SCN10A: variants seen among roughly 807,000 people sequenced by gnomAD.
SCN10A encodes sodium channel protein type 10 subunit alpha.
Under a neutral mutation model 170.7 loss-of-function variants are expected in SCN10A, and 162 were observed. That is an observed-to-expected ratio of 0.95 (90% CI 0.84 to 1.08). SCN10A has a LOEUF of 1.08. Ranked by LOEUF, SCN10A falls within the 50% of genes least tolerant of loss-of-function variation. The pLI is 0.00. For synonymous variants in SCN10A, 985 were observed against 904.6 expected (o/e 1.09, Z -1.59); for missense variants, 2,527 against 2,436.9 (o/e 1.04, Z -0.78).
intron 21 of SCN10A, among the ~76,000 whole-genome samples, chr3:38,715,469 G>A (rs1195609708): frequency 1.3e-5 from 2 of 152,172 alleles, no homozygotes. Context: ...ATACTCTGTA[G>A]CCTGTGTCAT....
At chr3:38,721,447 T>C (rs2063388885) in intron 20 of SCN10A, among the ~76,000 whole-genome samples, 1 of 152,210 alleles carries the variant, frequency 6.6e-6, no homozygotes, top group African/African-American at 2.4e-5. Context: ...TTCCTTCCTG[T>C]GTCTATGTCT....
At chr3:38,728,437 A>G in intron 16 of SCN10A, 105 bp downstream of exon 16, 1 of 1,259,382 alleles carries the variant, frequency 7.9e-7, no homozygotes, top group Non-Finnish European at 1.1e-6. Context: ...TCAACCAGAG[A>G]AGTACAATCT....
intron 21 of SCN10A, among the ~76,000 whole-genome samples, chr3:38,717,797 C>A (rs2063348116): frequency 6.6e-6 from 1 of 152,232 alleles, no homozygotes; most frequent in Non-Finnish European, 1.5e-5. Flanking sequence ...ACCCTGCTTG[C>A]AGAAACCCTC....
intron 11 of SCN10A, among the ~76,000 whole-genome samples, chr3:38,755,184 G>C (rs995499987): frequency 1.3e-5 from 2 of 151,762 alleles, no homozygotes; most frequent in Non-Finnish European, 2.9e-5. Context: ...TGAATTGCAG[G>C]ACCTTAGGAA....
At chr3:38,721,043 C>T (rs565151632) in intron 20 of SCN10A, among the ~76,000 whole-genome samples, 12 of 152,238 alleles carry the variant, frequency 7.9e-5, no homozygotes, top group Admixed American at 2.0e-4. Context: ...GTCCCTGCCC[C>T]GAAACTCTCT....
intron 7 of SCN10A, among the ~76,000 whole-genome samples, 169 bp downstream of exon 7, chr3:38,761,023 G>C (rs756101883): frequency 1.3e-5 from 2 of 152,174 alleles, no homozygotes; most frequent in Non-Finnish European, 2.9e-5. Flanking sequence ...CTGAGCAACA[G>C]GAAATAGAAT....
chr3:38,796,807 A>G (rs2064343909), intron 1 of SCN10A, among the ~76,000 whole-genome samples: 1 of 152,082 alleles, frequency 6.6e-6, no homozygotes, highest in African/African-American at 2.4e-5. Context: ...CACTTTCTCT[A>G]TAAACATCTG....
At chr3:38,712,787 C>T (rs1213340081) in intron 22 of SCN10A, among the ~76,000 whole-genome samples, 1 of 152,118 alleles carries the variant, frequency 6.6e-6, no homozygotes, top group Admixed American at 6.5e-5. Context: ...TCCTTAAATA[C>T]CATACATAAA....
rs760978530 is a variant in SCN10A, at chr3:38,701,932, C to T, written c.4564G>A (p.Glu1522Lys). 9 of 1,614,014 alleles carry T rather than the reference C, an allele frequency of 5.6e-6. No individual in the cohort carries two copies. Among genetic ancestry groups the T allele is most frequent in the East Asian group, 2.2e-5 (1 of 44,892 alleles). ...NQFFVAVFTG[E>K]CVMKMFALRQ... The stretch of plus-strand genomic sequence containing the variant: ...AAAGCGAACATCTTCATGACACATT[C>T]GCCTGTGAAGACGGCCACAAAGAAC... Residue 1522 changes from glutamate (E) to lysine (K), a missense_variant, in exon 27 of 28, where the codon GAA becomes AAA. Glu to Lys is a moderately conservative substitution (Grantham distance 56). Coordinates refer to ENST00000449082, the MANE Select transcript of SCN10A (RefSeq NM_006514.4).
Position 38,755,972 on chromosome 3 carries a change from A to G in SCN10A, c.1291-14T>C. 6.2e-7 allele frequency: 1 copy of G among 1,614,080 alleles called. No homozygotes were observed. Among genetic ancestry groups the G allele is most frequent in the Non-Finnish European group, 8.5e-7 (1 of 1,179,920 alleles). ...TGCTGCTAGCACCTGCGAAGAGAGA[A>G]CAGCAGGTGTAGCCAATAGTATTTG... On this transcript the variant is annotated splice_polypyrimidine_tract_variant and intron_variant, in intron 10 of 27. Transcript: ENST00000449082.
chr3:38,708,311 C>T (rs903505680), intron 25 of SCN10A, among the ~76,000 whole-genome samples: 6 of 152,072 alleles, frequency 3.9e-5, no homozygotes, highest in South Asian at 2.1e-4. Context: ...CTCAGTGACC[C>T]CAGCCTGGTC....
At chr3:38,735,919 G>C (rs150112735) in intron 15 of SCN10A, among the ~76,000 whole-genome samples, 2 of 152,146 alleles carry the variant, frequency 1.3e-5, no homozygotes, top group Admixed American at 6.5e-5. Flanking sequence ...GGGATAAAAC[G>C]GTAGACAAGA....
chr3:38,724,249 C>T (rs2063429000), intron 18 of SCN10A, among the ~76,000 whole-genome samples: 1 of 152,196 alleles, frequency 6.6e-6, no homozygotes, highest in Non-Finnish European at 1.5e-5. Context: ...CTAGGGCACA[C>T]AGCCAGTAGC....
chr3:38,699,070 C>T (rs921199794), intron 27 of SCN10A, among the ~76,000 whole-genome samples: 2 of 152,126 alleles, frequency 1.3e-5, no homozygotes, highest in African/African-American at 4.8e-5. Flanking sequence ...GTTTCTGGCA[C>T]CCGGTCCTGT....
intron 26 of SCN10A, among the ~76,000 whole-genome samples, chr3:38,703,489 A>G (rs930346346): frequency 2.6e-5 from 4 of 152,226 alleles, no homozygotes; most frequent in African/African-American, 9.6e-5. Flanking sequence ...CTCAGCCCAC[A>G]TCAACAGAGC....
At chr3:38,700,138 C>T (rs1477382959) in intron 27 of SCN10A, among the ~76,000 whole-genome samples, 2 of 152,048 alleles carry the variant, frequency 1.3e-5, no homozygotes, top group East Asian at 1.9e-4. Context: ...AACAACTAAC[C>T]AACCAACCAA....
intron 15 of SCN10A, among the ~76,000 whole-genome samples, chr3:38,736,004 T>C (rs1361349444): frequency 6.6e-6 from 1 of 152,166 alleles, no homozygotes; most frequent in Non-Finnish European, 1.5e-5. Flanking sequence ...AATCCAACTT[T>C]AGATAGTGTG....
rs189741283 is a variant in SCN10A, at chr3:38,730,410, C to A, written c.2281-1509G>T. ...TTAAATGCAAATACCTCTGGAGGAACCTGCCTTTATCTCAGGTTTCAAACT... is the reference window on the plus strand; with the variant it reads ...TTAAATGCAAATACCTCTGGAGGAAACTGCCTTTATCTCAGGTTTCAAACT... On this transcript the variant is annotated intron_variant, in intron 15 of 27. Transcript: ENST00000449082. 1.1e-4 allele frequency among the ~76,000 whole-genome samples: 16 copies of A among 152,272 alleles called. No homozygotes were observed. In the South Asian group the frequency reaches 1.5e-3, roughly 14 times the overall value.
intron 3 of SCN10A, 130 bp downstream of exon 3, chr3:38,791,920 C>T: frequency 2.4e-6 from 3 of 1,250,108 alleles, no homozygotes; most frequent in Admixed American, 2.3e-5. Context: ...TTTTTTCAAT[C>T]TAATGACCTC....
Sources: gnomAD v4.1 joint callset for allele counts (sites outside exome capture counted in the v4.1 genomes callset) on GRCh38, gnomAD v4.1.1 for gene constraint, MANE v1.5 for transcripts, NCBI Gene and HGNC (gene_info 2026-07-23, HGNC 2026-07-21) for gene names.